ATM: variants seen among roughly 807,000 people sequenced by gnomAD.
ATM encodes the protein ATM serine/threonine kinase.
A neutral mutation model predicts 387.0 loss-of-function variants in ATM; 308 were observed. The ratio of observed to expected loss-of-function variants is 0.80; its 90% CI spans 0.73 to 0.87. ATM has a LOEUF of 0.87. Ranked by LOEUF, ATM falls within the 40% of genes least tolerant of loss-of-function variation. ATM has a pLI of 0.00. For missense variants in ATM, 3,312 were observed against 3,560.9 expected, an observed-to-expected ratio of 0.93 and a Z score of 1.78; for synonymous variants, 1,156 against 1,187.3, an observed-to-expected ratio of 0.97 and a Z score of 0.54.
Position 108,325,296 on chromosome 11 carries a change from G to C in ATM, c.6573-14G>C, listed in dbSNP as rs1173909268. The C allele has an allele frequency of 3.8e-6, 3 of 790,358 alleles. No homozygotes were observed. Among genetic ancestry groups the C allele is most frequent in the Non-Finnish European group, 5.9e-6 (3 of 507,968 alleles). The allele number at this position is 790,358 out of a possible 1,614,324, so 49.0% of individuals were successfully genotyped here. On this transcript the variant is annotated splice_polypyrimidine_tract_variant and intron_variant, in intron 45 of 62. Transcript: ENST00000675843. ...TTTCTCTTGCTTACATGAACTCTAT[G>C]TCGTGGCATTCAGATCAGTCACACA...
In ATM at chr11:108,299,864, A is replaced by G. The variant is rs183531638; in HGVS notation, c.5156A>G (p.Asn1719Ser). 3.7e-6 allele frequency: 6 copies of G among 1,613,838 alleles called. No homozygotes were observed. In the Admixed American group the frequency reaches 1.0e-4, roughly 27 times the overall value. Residue 1719 changes from asparagine (N) to serine (S), a missense_variant, in exon 34 of 63, where the codon AAT (asparagine) becomes AGT (serine). Asn to Ser is a conservative substitution (Grantham distance 46, BLOSUM62 1). Transcript: ENST00000675843. ...QWTFIMLTYLNNTLVEDCVKV... is the reference protein window; with the variant it reads ...QWTFIMLTYLSNTLVEDCVKV... ...ACCTTCATAATGCTGACCTACCTGA[A>G]TAACACACTGGTAGAAGATTGGTGA...
intron 43 of ATM, 61 bp from the exon 44 acceptor site, chr11:108,319,893 A>T (rs2136216331): frequency 8.4e-7 from 1 of 1,185,354 alleles, no homozygotes; most frequent in East Asian, 2.3e-5. Context: ...GAAGCTATTT[A>T]TACATGTATA....
chr11:108,317,769 A>G (rs2084876810), intron 43 of ATM, among the ~76,000 whole-genome samples: 1 of 150,894 alleles, frequency 6.6e-6, no homozygotes, highest in African/African-American at 2.4e-5. Flanking sequence ...ATAGCCCTAA[A>G]TCCTTCAGTA....
At chr11:108,317,554 C>A in intron 43 of ATM, 33 bp downstream of exon 43, 1 of 1,507,516 alleles carries the variant, frequency 6.6e-7, no homozygotes, top group Admixed American at 1.8e-5. Context: ...TTTTTTTTTG[C>A]CTCTCTCCTC....
At chr11:108,224,862 C>T (rs866448445) in intron 1 of ATM, 21 of 152,260 alleles carry the variant, frequency 1.4e-4, no homozygotes, top group African/African-American at 5.1e-4. Flanking sequence ...CCAGATATGA[C>T]TTCATGAGGG....
At chr11:108,230,722 G>A (rs754395805) in intron 4 of ATM, 2 of 152,110 alleles carry the variant, frequency 1.3e-5, no homozygotes, top group Non-Finnish European at 2.9e-5. Flanking sequence ...TTTTAATACA[G>A]GCTCTTGCTC....
intron 5 of ATM, among the ~76,000 whole-genome samples, chr11:108,242,832 G>T (rs977914054): frequency 1.3e-5 from 2 of 152,192 alleles, no homozygotes; most frequent in Non-Finnish European, 2.9e-5. Context: ...CATCATTACT[G>T]GGAGAAATAA....
intron 56 of ATM, among the ~76,000 whole-genome samples, chr11:108,342,642 AAGGGT>A (rs1438938756): frequency 6.6e-6 from 1 of 152,178 alleles, no homozygotes; most frequent in African/African-American, 2.4e-5. Context: ...TAATGGATAA[AAGGGT>A]ATCTGTTAAT....
chr11:108,317,702 G>A (rs2084866059), intron 43 of ATM, among the ~76,000 whole-genome samples, 181 bp downstream of exon 43: 1 of 140,254 alleles, frequency 7.1e-6, no homozygotes, highest in Non-Finnish European at 1.5e-5. Context: ...CATATATATA[G>A]TGTGTATGTG....
chr11:108,224,263 A>T (rs919845693), intron 1 of ATM: 1 of 152,238 alleles, frequency 6.6e-6, no homozygotes, highest in Non-Finnish European at 1.5e-5. Flanking sequence ...CAATCTGACT[A>T]CAGAGGCCAC....
intron 58 of ATM, 105 bp downstream of exon 58, chr11:108,346,013 T>C (rs995736846): frequency 1.9e-5 from 26 of 1,348,426 alleles, no homozygotes; most frequent in Non-Finnish European, 2.3e-5. Flanking sequence ...AGGGGGATGA[T>C]AGTGATGATG....
intron 53 of ATM, among the ~76,000 whole-genome samples, chr11:108,333,656 A>G (rs987454248): frequency 5.3e-5 from 8 of 152,334 alleles, no homozygotes; most frequent in African/African-American, 1.7e-4. Context: ...AATCTGGTCT[A>G]GTTACCCTTG....
At chr11:108,261,951 T>C (rs1236450748) in intron 16 of ATM, among the ~76,000 whole-genome samples, 5 of 151,920 alleles carry the variant, frequency 3.3e-5, no homozygotes, top group African/African-American at 9.7e-5. Context: ...TAAAAAGAAA[T>C]GAGCAAAGCC....
chr11:108,288,350 C>G (rs796248391), intron 27 of ATM, among the ~76,000 whole-genome samples: 9 of 152,286 alleles, frequency 5.9e-5, no homozygotes, highest in African/African-American at 2.2e-4. Flanking sequence ...GCTGGGTCTA[C>G]AGGCATGAGC....
intron 17 of ATM, 71 bp downstream of exon 17, chr11:108,267,413 T>G (rs932578411): frequency 1.5e-6 from 2 of 1,377,524 alleles, no homozygotes; most frequent in Non-Finnish European, 2.1e-6. Flanking sequence ...AGAGGCCTCA[T>G]TGATATCAAT....
chr11:108,299,838 G>T lies in ATM; in HGVS notation c.5130G>T (p.Trp1710Cys), dbSNP rs780816003. The change falls in exon 34 of 63, where the codon TGG (tryptophan) becomes TGT (cysteine). Residue 1710 changes from tryptophan to cysteine, a missense_variant. This residue lies in a region of ATM where 1,405 missense variants were observed against 1,604.4 expected (regional missense o/e 0.88). Coordinates refer to ENST00000675843, the MANE Select transcript of ATM (RefSeq NM_000051.4). Reference protein sequence around the residue: ...LKLFEDKELQWTFIMLTYLNN... With the variant: ...LKLFEDKELQCTFIMLTYLNN... Reference sequence around the variant, plus strand: ...TATTTGAAGATAAAGAACTTCAGTGGACCTTCATAATGCTGACCTACCTGA... The same window carrying T: ...TATTTGAAGATAAAGAACTTCAGTGTACCTTCATAATGCTGACCTACCTGA... 1.2e-6 allele frequency: 2 copies of T among 1,613,848 alleles called. No homozygotes were observed. Among genetic ancestry groups the T allele is most frequent in the African/African-American group, 1.3e-5 (1 of 74,982 alleles).
At chr11:108,306,397 C>T (rs1012830765) in intron 37 of ATM, among the ~76,000 whole-genome samples, 2 of 152,000 alleles carry the variant, frequency 1.3e-5, no homozygotes, top group African/African-American at 4.8e-5. Context: ...TGGGAAAATA[C>T]AGGTATAAGT....
chr11:108,239,587 A>G (rs2079459313), intron 5 of ATM, among the ~76,000 whole-genome samples: 1 of 152,184 alleles, frequency 6.6e-6, no homozygotes, highest in Admixed American at 6.5e-5. Context: ...ATTATTGTGA[A>G]TAATGCTGCC....
intron 53 of ATM, 22 bp from the exon 54 acceptor site, chr11:108,333,864 A>G: frequency 6.4e-7 from 1 of 1,564,524 alleles, no homozygotes; most frequent in Non-Finnish European, 8.8e-7. Flanking sequence ...TGTCACTAAA[A>G]TCTCTTCATT....
Sources: allele counts gnomAD v4.1 joint callset (sites outside exome capture counted in the v4.1 genomes callset), GRCh38; gene constraint gnomAD v4.1.1; regional missense constraint gnomAD v4.1.1; transcripts MANE v1.5; gene names NCBI Gene and HGNC (gene_info 2026-07-23, HGNC 2026-07-21).